Variants in CD99L2 observed in about 807,000 individuals in gnomAD.
The protein encoded by CD99L2 is CD99 antigen-like protein 2.
In CD99L2, 24 loss-of-function variants were observed where a neutral mutation model predicts 27.3. The observed-to-expected ratio is 0.88, with a 90% CI of 0.64 to 1.24. CD99L2 has a LOEUF of 1.24. Among genes scored for constraint, CD99L2 ranks in the 50% most tolerant of loss-of-function variants. The pLI is 0.00. For synonymous variants in CD99L2, 97 were observed against 87.9 expected, an observed-to-expected ratio of 1.10 and a Z score of -0.58; for missense variants, 255 against 221.6, an observed-to-expected ratio of 1.15 and a Z score of -0.96.
chrX:150,786,216 GT>G lies in CD99L2; in HGVS notation c.496+7474del, dbSNP rs782229102. Among the ~76,000 whole-genome samples the G allele has an allele frequency of 7.4e-4, 79 of 106,593 alleles. 1 individual carries two copies. The East Asian group carries it at 0.013, about 18-fold the overall frequency. The allele number at this position is 106,593 out of a possible 115,157, so 92.6% of individuals were successfully genotyped here. On this transcript the variant is annotated intron_variant, in intron 7 of 10. Transcript: ENST00000370377. Reference sequence around the variant, plus strand: ...ATTTCCCCAAAGAATAATGATTTTGGTTTTTTTTTTTAAAAAATTTTAGGTT... The same window carrying G: ...ATTTCCCCAAAGAATAATGATTTTGGTTTTTTTTTTAAAAAATTTTAGGTT...
intron 1 of CD99L2, among the ~76,000 whole-genome samples, chrX:150,856,269 C>T (rs1233131791): frequency 1.8e-5 from 2 of 112,783 alleles, no homozygotes; most frequent in African/African-American, 6.4e-5. Flanking sequence ...CACCACATTC[C>T]TGTGGTGGTT....
intron 1 of CD99L2, among the ~76,000 whole-genome samples, chrX:150,860,872 G>A (rs1285100831): frequency 9.0e-6 from 1 of 110,732 alleles, no homozygotes; most frequent in African/African-American, 3.3e-5. Flanking sequence ...CATTGGCCAG[G>A]CGCGGTGGCT....
At chrX:150,787,548 T>C (rs2045613905) in intron 7 of CD99L2, among the ~76,000 whole-genome samples, 1 of 110,487 alleles carries the variant, frequency 9.1e-6, no homozygotes, top group Non-Finnish European at 1.9e-5. Flanking sequence ...ACATACACCA[T>C]GAAATACTAT....
chrX:150,784,725 G>A (rs2045568008), intron 7 of CD99L2, among the ~76,000 whole-genome samples: 1 of 112,842 alleles, frequency 8.9e-6, no homozygotes, highest in African/African-American at 3.2e-5. Context: ...GACAGAGAAG[G>A]CAGAGAGCAA....
rs147973033 is a variant in CD99L2, at chrX:150,801,091, T to C, written c.278-5605A>G. ...ACCTCAACCTCCAGGACTTGGTGAT[T>C]TACCTGGAGAGTTCTACCAAACATT... On this transcript the variant is annotated intron_variant, in intron 4 of 10. Coordinates refer to ENST00000370377, the MANE Select transcript of CD99L2 (RefSeq NM_031462.4). Among the ~76,000 whole-genome samples the C allele has an allele frequency of 5.1e-3, 565 of 110,600 alleles. 7 individuals are homozygous for C. The highest frequency in any genetic ancestry group is 0.014 in the Middle Eastern group (3 of 211).
intron 1 of CD99L2, among the ~76,000 whole-genome samples, chrX:150,893,495 G>A (rs952980086): frequency 1.1e-4 from 12 of 108,666 alleles, no homozygotes; most frequent in South Asian, 8.1e-4. Context: ...GCCAGCACAC[G>A]GGGCCCACTC....
At chrX:150,771,855 G>C (rs2124001556) in intron 9 of CD99L2, 1 of 1,151,036 alleles carries the variant, frequency 8.7e-7, no homozygotes, top group South Asian at 1.9e-5. Flanking sequence ...AGAATCCCTG[G>C]AGTAAGAGCG....
At chrX:150,891,471 G>A (rs782127915) in intron 1 of CD99L2, among the ~76,000 whole-genome samples, 21 of 111,670 alleles carry the variant, frequency 1.9e-4, no homozygotes, top group Admixed American at 5.7e-4. Flanking sequence ...TCTAATCCCC[G>A]ACTCTTCTAC....
intron 1 of CD99L2, among the ~76,000 whole-genome samples, chrX:150,888,125 A>G (rs782388023): frequency 8.9e-6 from 1 of 112,116 alleles, no homozygotes; most frequent in African/African-American, 3.2e-5. Flanking sequence ...ATGGAATTCA[A>G]TGAAAGTCAC....
chrX:150,846,404 T>C (rs1265173829), intron 1 of CD99L2, among the ~76,000 whole-genome samples: 2 of 110,546 alleles, frequency 1.8e-5, no homozygotes, highest in African/African-American at 6.6e-5. Context: ...CTCTGCCACT[T>C]AGCAGGAGAG....
At chrX:150,813,632 A>C (rs978154411) in intron 4 of CD99L2, among the ~76,000 whole-genome samples, 4 of 111,861 alleles carry the variant, frequency 3.6e-5, no homozygotes, top group Non-Finnish European at 7.5e-5. Flanking sequence ...TGAGAGCACG[A>C]CCTTTTAATA....
intron 4 of CD99L2, among the ~76,000 whole-genome samples, chrX:150,797,023 A>G (rs1557419928): frequency 9.0e-6 from 1 of 111,622 alleles, no homozygotes; most frequent in East Asian, 2.8e-4. Flanking sequence ...TATAGCACTC[A>G]ATGCATAAGT....
intron 1 of CD99L2, among the ~76,000 whole-genome samples, chrX:150,881,265 G>A (rs1557422483): frequency 1.8e-5 from 2 of 111,103 alleles, no homozygotes; most frequent in African/African-American, 3.3e-5. Context: ...CTTCCCACTC[G>A]TGGCCCAACC....
At chrX:150,884,373 C>T (rs1484226290) in intron 1 of CD99L2, among the ~76,000 whole-genome samples, 2 of 111,725 alleles carry the variant, frequency 1.8e-5, no homozygotes, top group African/African-American at 6.5e-5. Context: ...AGTTAACATC[C>T]TAGGATTAAT....
chrX:150,857,083 A>T (rs1215001649), intron 1 of CD99L2, among the ~76,000 whole-genome samples: 2 of 111,619 alleles, frequency 1.8e-5, no homozygotes, highest in Non-Finnish European at 3.8e-5. Flanking sequence ...GAAAAAAGAT[A>T]AAAAAAAGAA....
chrX:150,840,270 A>G (rs1211295769), intron 1 of CD99L2, among the ~76,000 whole-genome samples: 1 of 111,675 alleles, frequency 9.0e-6, no homozygotes, highest in East Asian at 2.8e-4. Context: ...AAAGAAAAAA[A>G]GGTAATGGAT....
intron 1 of CD99L2, among the ~76,000 whole-genome samples, chrX:150,838,394 T>C (rs1557421268): frequency 8.9e-6 from 1 of 111,839 alleles, no homozygotes; most frequent in Non-Finnish European, 1.9e-5. Context: ...TATTGGTTCA[T>C]TAACTGTGAC....
chrX:150,806,103 T>C (rs2045989092), intron 4 of CD99L2, among the ~76,000 whole-genome samples: 1 of 112,415 alleles, frequency 8.9e-6, no homozygotes, highest in East Asian at 2.8e-4. Flanking sequence ...AATATCTTGG[T>C]TGTGATCTTA....
intron 2 of CD99L2, among the ~76,000 whole-genome samples, chrX:150,819,578 G>A (rs1212138066): frequency 9.0e-6 from 1 of 111,500 alleles, no homozygotes; most frequent in Non-Finnish European, 1.9e-5. Flanking sequence ...AAAGAGGAAA[G>A]ATCTCTTAAG....
Sources: allele counts gnomAD v4.1 joint callset (sites outside exome capture counted in the v4.1 genomes callset), GRCh38; gene constraint gnomAD v4.1.1; transcripts MANE v1.5; gene names NCBI Gene and HGNC (gene_info 2026-07-23, HGNC 2026-07-21).